Variants in ZCCHC24 observed in about 807,000 individuals in gnomAD.
The protein encoded by ZCCHC24 is zinc finger CCHC-type containing 24.
In ZCCHC24, 10 loss-of-function variants were observed where a neutral mutation model predicts 26.2. The ratio of observed to expected loss-of-function variants is 0.38; its 90% confidence interval spans 0.24 to 0.65. The LOEUF is 0.65. Among genes scored for constraint, ZCCHC24 ranks in the 30% least tolerant of loss-of-function variants. The pLI is 0.54. For missense variants in ZCCHC24, 243 were observed against 329.1 expected (o/e 0.74, Z 2.03); for synonymous variants, 144 against 147.1 (o/e 0.98, Z 0.15).
intron 2 of ZCCHC24, chr10:79,403,298 G>C (rs1411656865): frequency 1.4e-6 from 1 of 740,358 alleles, no homozygotes; most frequent in Admixed American, 6.3e-5. Context: ...CCCTAATGAC[G>C]GATGAGGAAA....
At chr10:79,403,924 A>G (rs1856673087) in intron 2 of ZCCHC24, among the ~76,000 whole-genome samples, 1 of 151,888 alleles carries the variant, frequency 6.6e-6, no homozygotes, top group Admixed American at 6.6e-5. Flanking sequence ...AGAGAGGAGA[A>G]AACAAGCGGG....
At chr10:79,424,027 A>G (rs1856994023) in intron 2 of ZCCHC24, among the ~76,000 whole-genome samples, 2 of 149,466 alleles carry the variant, frequency 1.3e-5, no homozygotes, top group South Asian at 4.2e-4. Flanking sequence ...GAAAAAAAAA[A>G]AAAAAAAAGA....
intron 2 of ZCCHC24, among the ~76,000 whole-genome samples, chr10:79,405,646 C>T (rs1189733066): frequency 2.6e-5 from 4 of 152,240 alleles, no homozygotes; most frequent in Non-Finnish European, 5.9e-5. Flanking sequence ...ATGGCCGTGA[C>T]CAGCCCAGCC....
At chr10:79,444,095 AACTC>A (rs1318599391) in intron 1 of ZCCHC24, 11 of 1,544,044 alleles carry the variant, frequency 7.1e-6, no homozygotes, top group Non-Finnish European at 8.7e-6. Flanking sequence ...ACTCTCCTAA[AACTC>A]ACCGGTGTGC....
chr10:79,389,838 G>A (rs1258349167), intron 3 of ZCCHC24, among the ~76,000 whole-genome samples: 1 of 151,942 alleles, frequency 6.6e-6, no homozygotes, highest in Non-Finnish European at 1.5e-5. Context: ...CTGGTCTTGA[G>A]CTCCTGACCT....
chr10:79,392,122 C>T (rs1856487655), intron 3 of ZCCHC24, among the ~76,000 whole-genome samples: 3 of 152,044 alleles, frequency 2.0e-5, no homozygotes, highest in African/African-American at 7.2e-5. Flanking sequence ...CATACTTTTA[C>T]AAATAGGCCC....
intron 1 of ZCCHC24, among the ~76,000 whole-genome samples, chr10:79,439,398 T>G (rs1007116189): frequency 6.6e-6 from 1 of 152,100 alleles, no homozygotes; most frequent in African/African-American, 2.4e-5. Context: ...AGGAGAGTAC[T>G]TACATGCTCA....
rs919467897 is a variant in ZCCHC24 at position 79,403,931 on chromosome 10, C to T, written c.448-9491G>A. Among the ~76,000 whole-genome samples the T allele has an allele frequency of 2.6e-5, 4 of 151,220 alleles. No individual in the cohort carries two copies. In the South Asian group the frequency reaches 6.3e-4, roughly 24 times the overall value. ...AGGGAGATAGAGAGGAGAAAACAAG[C>T]GGGGGACAGAGAGATGAGGGAGAGA... is the stretch of plus-strand genomic sequence containing the variant. On this transcript the variant is annotated intron_variant, in intron 2 of 3. Coordinates refer to ENST00000372336, the MANE Select transcript of ZCCHC24 (RefSeq NM_153367.4).
intron 2 of ZCCHC24, among the ~76,000 whole-genome samples, chr10:79,430,745 C>T (rs1165065911): frequency 1.3e-5 from 2 of 151,352 alleles, no homozygotes; most frequent in Admixed American, 1.3e-4. Context: ...TGGCTCACAT[C>T]CATTGCCTTT....
chr10:79,418,983 G>A (rs731093), intron 2 of ZCCHC24, among the ~76,000 whole-genome samples: 20,998 of 152,200 alleles, frequency 0.14, 2,648 homozygotes, highest in African/African-American at 0.34. Flanking sequence ...GACAGTGTGA[G>A]CAAGGCCTTG....
At chr10:79,410,950 G>C (rs535338934) in intron 2 of ZCCHC24, among the ~76,000 whole-genome samples, 1 of 152,168 alleles carries the variant, frequency 6.6e-6, no homozygotes, top group African/African-American at 2.4e-5. Flanking sequence ...GCGGGGCTGT[G>C]GGGGCTGAGG....
Position 79,382,832 on chromosome 10 carries a change from G to T in ZCCHC24, c.*3513C>A, listed in dbSNP as rs1479868906. The T allele has an allele frequency of 6.5e-6, 1 of 152,778 alleles. No homozygotes were observed. The highest frequency in any genetic ancestry group is 6.5e-5 in the Admixed American group (1 of 15,286). 9.5% of individuals were successfully genotyped at this position (152,778 alleles called of 1,614,324 possible). A position where few individuals can be genotyped will look rare whatever the true frequency, so the allele number is the denominator to read the frequency against. Reference sequence around the variant, plus strand: ...GGCCTGGAGGAGGCGTGGCTCAGATGGCAAAGCTCCCGAGCGGCGAGGCCA... The same window carrying T: ...GGCCTGGAGGAGGCGTGGCTCAGATTGCAAAGCTCCCGAGCGGCGAGGCCA... On this transcript the variant is annotated 3_prime_UTR_variant, in exon 4 of 4. Coordinates refer to ENST00000372336, the MANE Select transcript of ZCCHC24 (RefSeq NM_153367.4).
intron 3 of ZCCHC24, among the ~76,000 whole-genome samples, chr10:79,388,265 G>A (rs1277373723): frequency 2.0e-5 from 3 of 152,098 alleles, no homozygotes; most frequent in African/African-American, 7.2e-5. Flanking sequence ...TCGGTGGGAG[G>A]GGGACACCAG....
At chr10:79,423,522 G>A (rs1168566188) in intron 2 of ZCCHC24, among the ~76,000 whole-genome samples, 1 of 128,388 alleles carries the variant, frequency 7.8e-6, no homozygotes, top group Non-Finnish European at 1.7e-5. Context: ...CTGGACTCCA[G>A]CCTGGGTGAC....
At chr10:79,388,256 C>T (rs1025638233) in intron 3 of ZCCHC24, among the ~76,000 whole-genome samples, 1 of 152,062 alleles carries the variant, frequency 6.6e-6, no homozygotes, top group African/African-American at 2.4e-5. Flanking sequence ...TTTGTCTTAT[C>T]GGTGGGAGGG....
intron 3 of ZCCHC24, among the ~76,000 whole-genome samples, chr10:79,392,310 C>T (rs1229889898): frequency 3.3e-5 from 5 of 152,160 alleles, no homozygotes; most frequent in African/African-American, 1.2e-4. Context: ...TGGGATGCGG[C>T]TGGGTGGTCC....
At chr10:79,409,135 G>A (rs1273492487) in intron 2 of ZCCHC24, 1 of 152,254 alleles carries the variant, frequency 6.6e-6, no homozygotes. Flanking sequence ...TCCTTCCAAT[G>A]CAAATAGTTC....
chr10:79,389,804 C>T (rs1480038274), intron 3 of ZCCHC24, among the ~76,000 whole-genome samples: 3 of 151,898 alleles, frequency 2.0e-5, no homozygotes, highest in Non-Finnish European at 4.4e-5. Flanking sequence ...TTAGTAGAGA[C>T]GGGGTTTCGC....
chr10:79,409,962 G>A (rs937008978), intron 2 of ZCCHC24, among the ~76,000 whole-genome samples: 1 of 152,212 alleles, frequency 6.6e-6, no homozygotes, highest in Non-Finnish European at 1.5e-5. Flanking sequence ...CAAGGCAGGG[G>A]ATGCGTTCAA....
Sources: allele counts gnomAD v4.1 joint callset (sites outside exome capture counted in the v4.1 genomes callset), GRCh38; gene constraint gnomAD v4.1.1; transcripts MANE v1.5; gene names NCBI Gene and HGNC (gene_info 2026-07-23, HGNC 2026-07-21).